Variants in AFF3 observed in about 807,000 individuals in gnomAD.
AFF3 encodes the protein ALF transcription elongation factor 3, also known as AF4/FMR2 family member 3.
A neutral mutation model predicts 129.7 loss-of-function variants in AFF3; 32 were observed. That is an observed-to-expected ratio of 0.25 (90% CI 0.19 to 0.33). The LOEUF (loss-of-function observed/expected upper bound fraction) is 0.33. Among genes scored for constraint, AFF3 ranks in the 10% least tolerant of loss-of-function variants. The probability of loss-of-function intolerance (pLI) is 1.00; values close to 1 mark genes in which losing one functional copy is unlikely to be tolerated. For synonymous variants in AFF3, 644 were observed against 635.4 expected (o/e 1.01, Z -0.20); for missense variants, 1,373 against 1,592.0 (o/e 0.86, Z 2.34).
rs1224908371 is a variant in AFF3, at chr2:99,549,533, C to T, written c.*1941G>A. On this transcript the variant is annotated 3_prime_UTR_variant, in exon 25 of 25. Transcript: ENST00000672756. ...CCAGGAGGCAGAGGATGCAGTGAGC[C>T]GAGATCGTGCCACTGCACTCCAGCC... 1.6e-5 allele frequency: 3 copies of T among 183,104 alleles called. No individual in the cohort carries two copies. Among genetic ancestry groups the T allele is most frequent in the African/African-American group, 2.4e-5 (1 of 42,462 alleles). The allele number at this position is 183,104 out of a possible 1,614,324, so 11.3% of individuals were successfully genotyped here.
chr2:99,839,080 C>A (rs1689113083), intron 7 of AFF3, among the ~76,000 whole-genome samples: 1 of 152,182 alleles, frequency 6.6e-6, no homozygotes, highest in Admixed American at 6.5e-5. Flanking sequence ...TTGCCGAAGG[C>A]CACACAGAGT....
chr2:100,059,088 A>G (rs932745589), intron 4 of AFF3, among the ~76,000 whole-genome samples: 1 of 151,932 alleles, frequency 6.6e-6, no homozygotes, highest in African/African-American at 2.4e-5. Flanking sequence ...CCCCATCTCT[A>G]TTAAAAATAC....
At chr2:99,897,185 A>G (rs913502813) in intron 7 of AFF3, among the ~76,000 whole-genome samples, 7 of 152,256 alleles carry the variant, frequency 4.6e-5, no homozygotes, top group Admixed American at 4.6e-4. Flanking sequence ...TACCATAATT[A>G]TGATTGCTAT....
intron 20 of AFF3, among the ~76,000 whole-genome samples, chr2:99,562,429 C>T (rs1399540090): frequency 6.6e-6 from 1 of 152,234 alleles, no homozygotes; most frequent in Non-Finnish European, 1.5e-5. Flanking sequence ...GTCATCTCCA[C>T]TCTACTACTG....
At chr2:99,783,194 T>A (rs1029436452) in intron 8 of AFF3, among the ~76,000 whole-genome samples, 10 of 152,196 alleles carry the variant, frequency 6.6e-5, no homozygotes, top group Non-Finnish European at 1.2e-4. Flanking sequence ...TTTTGCTCTA[T>A]CCCAAAGTTT....
intron 11 of AFF3, among the ~76,000 whole-genome samples, chr2:99,715,353 G>C (rs773113578): frequency 6.6e-6 from 1 of 152,120 alleles, no homozygotes; most frequent in Non-Finnish European, 1.5e-5. Context: ...CTGCAGACAC[G>C]AGGCTGTTTT....
At chr2:99,983,701 TAA>T (rs1679607287) in intron 7 of AFF3, among the ~76,000 whole-genome samples, 1 of 152,202 alleles carries the variant, frequency 6.6e-6, no homozygotes, top group African/African-American at 2.4e-5. Flanking sequence ...ATTCTCTGTG[TAA>T]AGAGGCTTTA....
intron 4 of AFF3, among the ~76,000 whole-genome samples, chr2:100,030,109 A>T (rs945353289): frequency 6.6e-6 from 1 of 151,530 alleles, no homozygotes; most frequent in Admixed American, 6.6e-5. Context: ...TGATAAGATG[A>T]TAAACTTCTT....
Position 99,774,911 on chromosome 2 carries a change from C to T in AFF3, c.922-22610G>A, listed in dbSNP as rs10192877. Reference sequence around the variant, plus strand: ...CAAATTTACAAGAAAAAAAATAAACCGCTCCATGAAAAAGTAGGCAAAGGA... The same window carrying T: ...CAAATTTACAAGAAAAAAAATAAACTGCTCCATGAAAAAGTAGGCAAAGGA... On this transcript the variant is annotated intron_variant, in intron 8 of 24. Coordinates refer to ENST00000672756, the MANE Select transcript of AFF3 (RefSeq NM_001386135.1). Among the ~76,000 whole-genome samples, 160 of 151,992 alleles carry T rather than the reference C, an allele frequency of 1.1e-3. 1 individual carries two copies. Among genetic ancestry groups the T allele is most frequent in the African/African-American group, 3.5e-3 (145 of 41,462 alleles).
intron 11 of AFF3, among the ~76,000 whole-genome samples, chr2:99,716,013 C>T (rs1336951043): frequency 1.3e-5 from 2 of 152,058 alleles, no homozygotes; most frequent in Admixed American, 6.6e-5. Flanking sequence ...TTACTTTGTA[C>T]GATTGAGGGT....
intron 13 of AFF3, among the ~76,000 whole-genome samples, chr2:99,605,096 C>A (rs998459160): frequency 2.0e-5 from 3 of 152,270 alleles, no homozygotes; most frequent in Admixed American, 1.3e-4. Flanking sequence ...TGGCTGCGGT[C>A]CTGAAGTGAT....
chr2:100,047,262 C>T (rs1049167143), intron 4 of AFF3, among the ~76,000 whole-genome samples: 1 of 152,204 alleles, frequency 6.6e-6, no homozygotes, highest in African/African-American at 2.4e-5. Context: ...GCCCAATGTA[C>T]TTTATTTAAA....
chr2:99,889,533 A>T (rs1693382896), intron 7 of AFF3, among the ~76,000 whole-genome samples: 1 of 152,244 alleles, frequency 6.6e-6, no homozygotes, highest in African/African-American at 2.4e-5. Flanking sequence ...ACGCCTTCCC[A>T]GGGGCAGAGG....
chr2:99,910,446 A>T (rs965609061), intron 7 of AFF3, among the ~76,000 whole-genome samples: 2 of 152,248 alleles, frequency 1.3e-5, no homozygotes, highest in African/African-American at 4.8e-5. Flanking sequence ...TTCTTCCTCC[A>T]CTGCTACTGT....
chr2:100,032,666 A>G (rs1338301627), intron 4 of AFF3, among the ~76,000 whole-genome samples: 1 of 152,166 alleles, frequency 6.6e-6, no homozygotes, highest in Non-Finnish European at 1.5e-5. Flanking sequence ...TTGACCCACT[A>G]ATGGTTAAAC....
intron 4 of AFF3, among the ~76,000 whole-genome samples, chr2:100,040,027 T>C (rs1393291228): frequency 1.3e-5 from 2 of 152,178 alleles, no homozygotes. Context: ...TACCTCAGCC[T>C]TGCAATCATC....
At chr2:99,834,107 A>T (rs901906810) in intron 8 of AFF3, among the ~76,000 whole-genome samples, 2 of 152,198 alleles carry the variant, frequency 1.3e-5, no homozygotes, top group African/African-American at 4.8e-5. Flanking sequence ...GCACTTCCGA[A>T]TCATAAACAG....
chr2:100,026,636 G>A (rs192535833), intron 4 of AFF3, among the ~76,000 whole-genome samples: 2,952 of 151,288 alleles, frequency 0.02, 85 homozygotes, highest in African/African-American at 0.066. Context: ...CTGCAAAATC[G>A]TGGAACCAAC....
At chr2:99,645,152 T>A (rs1180377161) in intron 13 of AFF3, among the ~76,000 whole-genome samples, 1 of 151,988 alleles carries the variant, frequency 6.6e-6, no homozygotes, top group Non-Finnish European at 1.5e-5. Flanking sequence ...CTGGGCAACA[T>A]GGTGAAGCCC....
Sources: gnomAD v4.1 joint callset for allele counts (sites outside exome capture counted in the v4.1 genomes callset) on GRCh38, gnomAD v4.1.1 for gene constraint, MANE v1.5 for transcripts, NCBI Gene and HGNC (gene_info 2026-07-23, HGNC 2026-07-21) for gene names.